TRPC4: variants seen among roughly 807,000 people sequenced by gnomAD.
TRPC4 encodes short transient receptor potential channel 4.
A neutral mutation model predicts 99.4 loss-of-function variants in TRPC4; 49 were observed. The ratio of observed to expected loss-of-function variants is 0.49; its 90% confidence interval spans 0.39 to 0.63. The LOEUF is 0.63. Ranked by LOEUF, TRPC4 falls within the 20% of genes least tolerant of loss-of-function variation. TRPC4 has a pLI of 0.00. For synonymous variants in TRPC4, 454 were observed against 425.9 expected (o/e 1.07, Z -0.81); for missense variants, 898 against 1,152.9 (o/e 0.78, Z 3.20).
At chr13:37,638,059 T>C (rs1951588342) in intron 10 of TRPC4, among the ~76,000 whole-genome samples, 1 of 152,170 alleles carries the variant, frequency 6.6e-6, no homozygotes, top group Admixed American at 6.6e-5. Flanking sequence ...ATTTAAGAGT[T>C]GGTAGTTACT....
At chr13:37,651,575 C>A in intron 7 of TRPC4, 116 bp from the exon 8 acceptor site, 1 of 892,444 alleles carries the variant, frequency 1.1e-6, no homozygotes, top group Non-Finnish European at 1.7e-6. Context: ...AATTAAATTG[C>A]TTCTAAAACC....
intron 1 of TRPC4, among the ~76,000 whole-genome samples, chr13:37,813,938 T>TCC (rs778808815): frequency 9.9e-5 from 15 of 151,808 alleles, no homozygotes; most frequent in Non-Finnish European, 1.6e-4. Flanking sequence ...GTCCTAAGGA[T>TCC]AATAAAAAGA....
rs574942628 is a variant in TRPC4, at chr13:37,863,462, G to A, written c.-28+6133C>T. 3.3e-4 allele frequency among the ~76,000 whole-genome samples: 50 copies of A among 151,520 alleles called. No homozygotes were observed. The South Asian group carries it at 4.1e-3, about 13-fold the overall frequency. On this transcript the variant is annotated intron_variant, in intron 1 of 10. Transcript: ENST00000379705. Reference sequence around the variant, plus strand: ...TTTACACATATATACTTATATGTATGTTGTATACACATATATATTATATTC... The same window carrying A: ...TTTACACATATATACTTATATGTATATTGTATACACATATATATTATATTC...
At chr13:37,817,067 A>G (rs1397267744) in intron 1 of TRPC4, among the ~76,000 whole-genome samples, 1 of 152,100 alleles carries the variant, frequency 6.6e-6, no homozygotes, top group Admixed American at 6.6e-5. Flanking sequence ...AAATAGGAAG[A>G]GAGGAAGTCA....
At chr13:37,658,686 G>C (rs531382540) in intron 6 of TRPC4, among the ~76,000 whole-genome samples, 1 of 152,122 alleles carries the variant, frequency 6.6e-6, no homozygotes, top group African/African-American at 2.4e-5. Context: ...TACCTTACCA[G>C]GGGCTAATAG....
In TRPC4 at chr13:37,681,079, TA is replaced by T. The variant is rs563901570; in HGVS notation, c.1235-6713del. On this transcript the variant is annotated intron_variant, in intron 4 of 10. Coordinates refer to ENST00000379705, the MANE Select transcript of TRPC4 (RefSeq NM_016179.4). ...GAAGAAAGGCTTTGGGAAGGAGGTA[TA>T]AAGAAGAAGTTATGAGCTCAGTACA... Among the ~76,000 whole-genome samples the T allele has an allele frequency of 3.0e-4, 46 of 152,300 alleles. 1 individual carries two copies. The highest frequency in any genetic ancestry group is 1.8e-3 in the Admixed American group (28 of 15,300).
intron 3 of TRPC4, among the ~76,000 whole-genome samples, chr13:37,716,908 G>T (rs929828549): frequency 5.3e-5 from 8 of 152,028 alleles, no homozygotes; most frequent in Non-Finnish European, 7.4e-5. Context: ...TATCATGTTT[G>T]ATATAGGAGA....
intron 1 of TRPC4, among the ~76,000 whole-genome samples, chr13:37,795,280 T>C (rs1331526177): frequency 6.6e-6 from 1 of 152,176 alleles, no homozygotes; most frequent in Non-Finnish European, 1.5e-5. Flanking sequence ...TAAAGTCACA[T>C]AAAATACAAT....
At chr13:37,837,970 CAGA>C (rs1163077077) in intron 1 of TRPC4, among the ~76,000 whole-genome samples, 1 of 152,152 alleles carries the variant, frequency 6.6e-6, no homozygotes, top group Non-Finnish European at 1.5e-5. Flanking sequence ...CTGATGGTTT[CAGA>C]AGGAGGAGTT....
At chr13:37,810,003 C>CA (rs1327619222) in intron 1 of TRPC4, among the ~76,000 whole-genome samples, 1 of 137,094 alleles carries the variant, frequency 7.3e-6, no homozygotes, top group African/African-American at 2.6e-5. Context: ...CATATGAATT[C>CA]AAGAGTTTTC....
At chr13:37,857,894 C>A (rs539880042) in intron 1 of TRPC4, among the ~76,000 whole-genome samples, 16 of 151,780 alleles carry the variant, frequency 1.1e-4, no homozygotes, top group African/African-American at 3.9e-4. Context: ...GCATAGACAA[C>A]CAAAGCAGAA....
At chr13:37,649,745 A>AAAAC (rs1566067277) in intron 8 of TRPC4, among the ~76,000 whole-genome samples, 2 of 145,826 alleles carry the variant, frequency 1.4e-5, no homozygotes, top group East Asian at 4.1e-4. Flanking sequence ...AAAAAAAAAA[A>AAAAC]AAAAAAAAAA....
chr13:37,685,851 T>C (rs2138841177), intron 4 of TRPC4, among the ~76,000 whole-genome samples: 1 of 152,284 alleles, frequency 6.6e-6, no homozygotes, highest in Non-Finnish European at 1.5e-5. Context: ...GAAATCTTCA[T>C]TAATATCTCA....
intron 1 of TRPC4, among the ~76,000 whole-genome samples, chr13:37,846,385 C>T (rs1259723682): frequency 1.3e-5 from 2 of 151,760 alleles, no homozygotes; most frequent in East Asian, 3.9e-4. Context: ...CAATAAATTG[C>T]TAAGAAATAC....
chr13:37,700,762 A>G (rs1046306322), intron 3 of TRPC4, among the ~76,000 whole-genome samples: 1 of 152,278 alleles, frequency 6.6e-6, no homozygotes, highest in Non-Finnish European at 1.5e-5. Flanking sequence ...TATAAATAAT[A>G]TATGTGAAGG....
intron 7 of TRPC4, among the ~76,000 whole-genome samples, chr13:37,653,065 C>A (rs1371237501): frequency 6.6e-6 from 1 of 152,088 alleles, no homozygotes; most frequent in African/African-American, 2.4e-5. Flanking sequence ...CCTGAGCTGC[C>A]TCCTATCTCC....
Position 37,655,205 on chromosome 13 carries a change from C to T in TRPC4, c.1767G>A (p.Gln589=), listed in dbSNP as rs1952186084. 2 of 1,609,472 alleles carry T rather than the reference C, an allele frequency of 1.2e-6. No homozygotes were observed. The highest frequency in any genetic ancestry group is 1.3e-5 in the African/African-American group (1 of 74,790). The change falls in exon 7 of 11, where the codon CAG becomes CAA. Residue 589 remains glutamine, a synonymous_variant. Transcript: ENST00000379705. ...CACCAACAAACTCAGTAAATTCATGCTGTGCTTTGACATTGGTCACATATA... is the reference window on the plus strand; with the variant it reads ...CACCAACAAACTCAGTAAATTCATGTTGTGCTTTGACATTGGTCACATATA... The part of the protein sequence containing the change: ...INLYVTNVKA[Q]HEFTEFVGAT...
At chr13:37,674,110 A>G in intron 5 of TRPC4, 118 bp downstream of exon 5, 1 of 942,046 alleles carries the variant, frequency 1.1e-6, no homozygotes, top group Non-Finnish European at 1.5e-6. Flanking sequence ...CCATGAGCTG[A>G]TGAATACGAC....
intron 2 of TRPC4, among the ~76,000 whole-genome samples, chr13:37,763,708 C>T (rs748140954): frequency 4.6e-5 from 7 of 151,718 alleles, no homozygotes; most frequent in Non-Finnish European, 1.0e-4. Context: ...GTGAGGCAAA[C>T]TTGTCTTCAG....
Sources: gnomAD v4.1 joint callset for allele counts (sites outside exome capture counted in the v4.1 genomes callset) on GRCh38, gnomAD v4.1.1 for gene constraint, MANE v1.5 for transcripts, NCBI Gene and HGNC (gene_info 2026-07-23, HGNC 2026-07-21) for gene names.